PPFIBP2: variants seen among roughly 807,000 people sequenced by gnomAD.
The protein encoded by PPFIBP2 is liprin-beta-2.
Under a neutral mutation model 118.3 loss-of-function variants are expected in PPFIBP2, and 118 were observed. The ratio of observed to expected loss-of-function variants is 1.00; its 90% CI spans 0.86 to 1.16. The LOEUF (loss-of-function observed/expected upper bound fraction) is 1.16. Among genes scored for constraint, PPFIBP2 ranks in the 50% most tolerant of loss-of-function variants. The pLI, the probability that PPFIBP2 is intolerant of heterozygous loss-of-function variation, is 0.00. For missense variants in PPFIBP2, 1,195 were observed against 1,073.1 expected (o/e 1.11, Z -1.59); for synonymous variants, 414 against 397.4 (o/e 1.04, Z -0.50).
chr11:7,649,398 A>G (rs1853630825), intron 20 of PPFIBP2, 134 bp from the exon 21 acceptor site: 3 of 1,311,094 alleles, frequency 2.3e-6, no homozygotes, highest in African/African-American at 2.9e-5. Flanking sequence ...AACCACTGTG[A>G]TAAGCTATTG....
chr11:7,642,157 T>G (rs1435450939), intron 16 of PPFIBP2, 141 bp from the exon 17 acceptor site: 1 of 990,498 alleles, frequency 1.0e-6, no homozygotes, highest in African/African-American at 1.6e-5. Context: ...GTTGTGATCC[T>G]TGATCTCTGG....
chr11:7,628,202 T>G, intron 8 of PPFIBP2, 83 bp from the exon 9 acceptor site: 1 of 1,183,282 alleles, frequency 8.5e-7, no homozygotes, highest in South Asian at 1.4e-5. Context: ...AAGTCTTCAT[T>G]TGAACTTGGG....
chr11:7,632,222 C>T (rs1850860269), intron 11 of PPFIBP2: 1 of 152,382 alleles, frequency 6.6e-6, no homozygotes, highest in Non-Finnish European at 1.5e-5. Context: ...AGCTTTTCTC[C>T]TCTCTAAAGC....
rs759930968 is a variant in PPFIBP2 at position 7,650,826 on chromosome 11, T to C, written c.2122-14T>C. 3.7e-6 allele frequency: 6 copies of C among 1,612,598 alleles called. No individual in the cohort carries two copies. The highest frequency in any genetic ancestry group is 1.1e-5 in the South Asian group (1 of 90,926). On this transcript the variant is annotated splice_polypyrimidine_tract_variant and intron_variant, in intron 21 of 23. Coordinates refer to ENST00000299492, the MANE Select transcript of PPFIBP2 (RefSeq NM_003621.5). ...TTAAGCCTAACTTCCTCACTCTCCTTCTCCCTCTGACAGAGTAACCTTTCT... is the reference window on the plus strand; with the variant it reads ...TTAAGCCTAACTTCCTCACTCTCCTCCTCCCTCTGACAGAGTAACCTTTCT...
chr11:7,581,548 A>G (rs931924008), intron 3 of PPFIBP2, among the ~76,000 whole-genome samples: 10 of 152,188 alleles, frequency 6.6e-5, no homozygotes, highest in Admixed American at 3.3e-4. Context: ...TGGTTGATCT[A>G]GTAGCCTGGC....
At position 7,641,724 on chromosome 11, in the gene PPFIBP2, G is replaced by A. The variant is rs56171214; in HGVS notation, c.1517+104G>A. On this transcript the variant is annotated intron_variant, in intron 16 of 23. Coordinates refer to ENST00000299492, the MANE Select transcript of PPFIBP2 (RefSeq NM_003621.5). The stretch of plus-strand genomic sequence containing the variant: ...TGGTCCAATAGACACTGAAACAGCA[G>A]TCAAAACAGAGTGTTCATGTTCAAA... 3.3e-3 allele frequency: 3,716 copies of A among 1,140,694 alleles called. 44 individuals carry two copies. The highest frequency in any genetic ancestry group is 0.028 in the African/African-American group (1,811 of 64,268). The allele number at this position is 1,140,694 out of a possible 1,614,324, so 70.7% of individuals were successfully genotyped here. A position where few individuals can be genotyped will look rare whatever the true frequency, so the allele number is the denominator to read the frequency against.
intron 4 of PPFIBP2, among the ~76,000 whole-genome samples, chr11:7,593,532 G>C (rs1332186949): frequency 6.6e-6 from 1 of 152,152 alleles, no homozygotes; most frequent in East Asian, 1.9e-4. Context: ...AACAAAATGG[G>C]CCCTGTCCCC....
At chr11:7,661,086 T>G (rs577185645), downstream of PPFIBP2, among the ~76,000 whole-genome samples, 11 of 152,106 alleles carry the variant, frequency 7.2e-5, no homozygotes, top group East Asian at 2.1e-3. Flanking sequence ...TGTTAATCCT[T>G]TCAAAAAACC....
At chr11:7,663,221 G>C in the PPFIBP2 span, among the ~76,000 whole-genome samples, 5 of 133,298 alleles carry the variant, frequency 3.8e-5, no homozygotes, top group Admixed American at 3.0e-4. Flanking sequence ...GAGGAGAGGC[G>C]CTCTGCTTTT....
chr11:7,516,424 C>T (rs79162716), intron 1 of PPFIBP2, among the ~76,000 whole-genome samples: 6,814 of 152,152 alleles, frequency 0.045, 217 homozygotes, highest in Non-Finnish European at 0.071. Context: ...GAGGGAGAAA[C>T]AATGCTGGGA....
intron 11 of PPFIBP2, among the ~76,000 whole-genome samples, chr11:7,631,434 G>T (rs1320327453): frequency 2.0e-5 from 3 of 152,024 alleles, no homozygotes; most frequent in East Asian, 1.9e-4. Flanking sequence ...AACATGTCTT[G>T]CTCATTTAGA....
intron 5 of PPFIBP2, among the ~76,000 whole-genome samples, chr11:7,608,921 C>T (rs1417498111): frequency 6.6e-6 from 1 of 152,210 alleles, no homozygotes; most frequent in Non-Finnish European, 1.5e-5. Context: ...GCTCTGGCTG[C>T]AGTGCTCCAC....
intron 17 of PPFIBP2, among the ~76,000 whole-genome samples, chr11:7,643,332 G>C (rs1351106667): frequency 6.6e-6 from 1 of 152,156 alleles, no homozygotes; most frequent in African/African-American, 2.4e-5. Flanking sequence ...TCTAGAAGGG[G>C]AATCATTGGG....
At chr11:7,649,976 T>G (rs1853731649) in intron 21 of PPFIBP2, among the ~76,000 whole-genome samples, 1 of 151,874 alleles carries the variant, frequency 6.6e-6, no homozygotes, top group Non-Finnish European at 1.5e-5. Context: ...GGTGTCACAG[T>G]AGAAGAGAAG....
intron 1 of PPFIBP2, among the ~76,000 whole-genome samples, chr11:7,519,122 G>A (rs1849502003): frequency 1.3e-5 from 2 of 152,054 alleles, no homozygotes; most frequent in South Asian, 4.1e-4. Flanking sequence ...TGGGAAGATG[G>A]CAGCTGAGAA....
chr11:7,620,967 C>G lies in PPFIBP2; in HGVS notation c.651C>G (p.Ile217Met). Residue 217 changes from isoleucine (I) to methionine (M), a missense_variant, in exon 7 of 24, where the codon ATC becomes ATG. Physicochemically the swap from Ile to Met is conservative, Grantham distance 10. Transcript: ENST00000299492. The stretch of plus-strand genomic sequence containing the variant: ...TGCAAGAGCTCAGGCACCTCAAAAT[C>G]AAAGTGGAAGAGTTGGAAAATGAAA... Reference protein sequence around the residue: ...ELLQELRHLKIKVEELENERN... With the variant: ...ELLQELRHLKMKVEELENERN... The G allele has an allele frequency of 6.2e-7, 1 of 1,613,116 alleles. No individual in the cohort carries two copies. The highest frequency in any genetic ancestry group is 8.5e-7 in the Non-Finnish European group (1 of 1,179,152).
chr11:7,641,203 G>A (rs1437896424), intron 15 of PPFIBP2: 4 of 852,590 alleles, frequency 4.7e-6, no homozygotes, highest in Non-Finnish European at 6.9e-6. Flanking sequence ...AAAAGAAGCT[G>A]CTTGTTGGAA....
the PPFIBP2 span, chr11:7,666,268 C>G: frequency 1.7e-6 from 1 of 600,518 alleles, no homozygotes; most frequent in African/African-American, 1.9e-5. Flanking sequence ...CCCTTAAAAG[C>G]AGGCCATCCC....
At chr11:7,581,633 T>C (rs1825803485) in intron 3 of PPFIBP2, among the ~76,000 whole-genome samples, 1 of 152,162 alleles carries the variant, frequency 6.6e-6, no homozygotes, top group Non-Finnish European at 1.5e-5. Context: ...CTTGCATTCA[T>C]GTTGGACTGC....
Sources: allele counts gnomAD v4.1 joint callset (sites outside exome capture counted in the v4.1 genomes callset), GRCh38; gene constraint gnomAD v4.1.1; transcripts MANE v1.5; gene names NCBI Gene and HGNC (gene_info 2026-07-23, HGNC 2026-07-21).